The following AVL9 variants were observed in gnomAD, a reference collection of about 807,000 sequenced individuals.
The protein encoded by AVL9 is AVL9 cell migration associated, also known as late secretory pathway protein AVL9 homolog.
AVL9 carries 49 observed loss-of-function variants against 79.2 expected under a neutral mutation model. The ratio of observed to expected loss-of-function variants is 0.62; its 90% CI spans 0.49 to 0.79. AVL9 has a LOEUF of 0.79. AVL9 is among the 30% of genes least tolerant of loss of function. The pLI, the probability that AVL9 is intolerant of heterozygous loss-of-function variation, is 0.00. For synonymous variants in AVL9, 299 were observed against 280.6 expected (o/e 1.07, Z -0.65); for missense variants, 682 against 776.8 (o/e 0.88, Z 1.45).
chr7:32,550,163 C>T (rs555791405), intron 4 of AVL9, among the ~76,000 whole-genome samples: 3 of 152,148 alleles, frequency 2.0e-5, no homozygotes, highest in South Asian at 2.1e-4. Flanking sequence ...CTTCAAAGGA[C>T]GATTACAATA....
intron 1 of AVL9, among the ~76,000 whole-genome samples, chr7:32,500,914 G>A (rs907572968): frequency 1.4e-4 from 22 of 152,172 alleles, no homozygotes; most frequent in African/African-American, 5.1e-4. Flanking sequence ...GCAGATGGCT[G>A]TAGATGTGTG....
At chr7:32,580,620 C>A in intron 14 of AVL9, 182 bp from the exon 15 acceptor site, 2 of 584,892 alleles carry the variant, frequency 3.4e-6, no homozygotes, top group South Asian at 2.4e-5. Flanking sequence ...TGAAAATGCA[C>A]ATGCTTAAAA....
chr7:32,501,270 T>C (rs1383171914), intron 1 of AVL9, among the ~76,000 whole-genome samples: 2 of 152,190 alleles, frequency 1.3e-5, no homozygotes, highest in Non-Finnish European at 2.9e-5. Context: ...TGAAATCCTG[T>C]GGTGACAATA....
At chr7:32,528,804 A>G (rs1446021295) in intron 1 of AVL9, among the ~76,000 whole-genome samples, 1 of 151,888 alleles carries the variant, frequency 6.6e-6, no homozygotes. Flanking sequence ...AGGTCAGGAG[A>G]TCGAGACCAT....
At chr7:32,578,286 A>G (rs1399139485) in intron 13 of AVL9, among the ~76,000 whole-genome samples, 5 of 152,126 alleles carry the variant, frequency 3.3e-5, no homozygotes, top group Non-Finnish European at 5.9e-5. Flanking sequence ...CACTCGGTTC[A>G]TCTTTCCTAT....
In AVL9 at chr7:32,570,105, C is replaced by T. The variant is rs764503367; in HGVS notation, c.1301C>T (p.Thr434Ile). ...GTTCGGGGGTTTGTTGCTGGAGCTACTAACATCCTTTTTCGACAACAGAAA... is the reference window on the plus strand; with the variant it reads ...GTTCGGGGGTTTGTTGCTGGAGCTATTAACATCCTTTTTCGACAACAGAAA... The part of the protein sequence containing the change: ...VTVRGFVAGA[T>I]NILFRQQKHL... The change falls in exon 11 of 16, where the codon ACT becomes ATT. Residue 434 changes from threonine to isoleucine, a missense_variant. Transcript: ENST00000318709. 1.9e-6 allele frequency: 3 copies of T among 1,614,050 alleles called. No individual in the cohort carries two copies. Among genetic ancestry groups the T allele is most frequent in the South Asian group, 1.1e-5 (1 of 91,086 alleles).
chr7:32,511,605 A>G (rs996732615), intron 1 of AVL9, among the ~76,000 whole-genome samples: 1 of 152,042 alleles, frequency 6.6e-6, no homozygotes, highest in Non-Finnish European at 1.5e-5. Context: ...CCTGACGAGC[A>G]GGGCGGTGGC....
At chr7:32,572,603 C>G (rs1368659339) in intron 11 of AVL9, among the ~76,000 whole-genome samples, 3 of 150,206 alleles carry the variant, frequency 2.0e-5, no homozygotes, top group Admixed American at 6.6e-5. Context: ...GACATCGAGA[C>G]CATCCTGGCT....
intron 10 of AVL9, among the ~76,000 whole-genome samples, chr7:32,568,208 T>TA (rs200887516): frequency 0.013 from 1,939 of 148,022 alleles, 43 homozygotes; most frequent in African/African-American, 0.041. Context: ...TTTATTTATT[T>TA]TTTTTTTTTT....
intron 8 of AVL9, among the ~76,000 whole-genome samples, chr7:32,557,866 T>TGTTTGG (rs1562787106): frequency 6.7e-6 from 1 of 149,588 alleles, no homozygotes; most frequent in East Asian, 2.0e-4. Flanking sequence ...TTTTTTTTTT[T>TGTTTGG]TTTTTTTGAG....
At chr7:32,514,749 G>A (rs747243481) in intron 1 of AVL9, among the ~76,000 whole-genome samples, 2 of 151,984 alleles carry the variant, frequency 1.3e-5, no homozygotes, top group Non-Finnish European at 2.9e-5. Context: ...ACTCCTACCC[G>A]CCAGAGAACA....
intron 1 of AVL9, among the ~76,000 whole-genome samples, chr7:32,501,731 G>T (rs1475804210): frequency 6.6e-6 from 1 of 152,084 alleles, no homozygotes; most frequent in Non-Finnish European, 1.5e-5. Context: ...TCTTTCTTTG[G>T]CTTAAGCCTT....
At chr7:32,580,652 CAA>C in intron 14 of AVL9, 148 bp from the exon 15 acceptor site, 1 of 608,190 alleles carries the variant, frequency 1.6e-6, no homozygotes, top group Non-Finnish European at 2.9e-6. Flanking sequence ...TAATTCATAA[CAA>C]ATAATAATTT....
intron 10 of AVL9, among the ~76,000 whole-genome samples, chr7:32,563,202 T>C (rs1422052451): frequency 6.6e-6 from 1 of 152,006 alleles, no homozygotes. Context: ...TGGCTGATTT[T>C]TGTATTTTTA....
intron 11 of AVL9, among the ~76,000 whole-genome samples, chr7:32,570,854 C>T (rs1411482314): frequency 6.7e-6 from 1 of 149,452 alleles, no homozygotes; most frequent in South Asian, 2.1e-4. Flanking sequence ...CTCCTGACCT[C>T]AGGTGATCCA....
chr7:32,500,753 G>C (rs1457504543), intron 1 of AVL9, among the ~76,000 whole-genome samples: 1 of 152,096 alleles, frequency 6.6e-6, no homozygotes, highest in African/African-American at 2.4e-5. Context: ...GTTAGTTTAA[G>C]TCTTTAATCC....
At chr7:32,499,030 GCACA>G (rs1786995412) in intron 1 of AVL9, among the ~76,000 whole-genome samples, 3 of 113,326 alleles carry the variant, frequency 2.6e-5, no homozygotes, top group East Asian at 2.6e-4. Flanking sequence ...GCGCGTGGTG[GCACA>G]TGCCTGTGAT....
Position 32,585,488 on chromosome 7 carries a change from G to A in AVL9, c.*1581G>A, listed in dbSNP as rs533047329. The A allele has an allele frequency of 3.9e-5, 6 of 152,254 alleles. No homozygotes were observed. The highest frequency in any genetic ancestry group is 1.9e-4 in the East Asian group (1 of 5,178). The allele number at this position is 152,254 out of a possible 1,614,324, so 9.4% of individuals were successfully genotyped here. Reference sequence around the variant, plus strand: ...ATGGCTGTTCTCAGAGAGTACTTACGGGGAACAGACTGCCTTTTAGTAACA... The same window carrying A: ...ATGGCTGTTCTCAGAGAGTACTTACAGGGAACAGACTGCCTTTTAGTAACA... On this transcript the variant is annotated 3_prime_UTR_variant, in exon 16 of 16. Transcript: ENST00000318709.
At chr7:32,548,756 C>T in intron 3 of AVL9, 91 bp from the exon 4 acceptor site, 1 of 866,008 alleles carries the variant, frequency 1.2e-6, no homozygotes, top group Non-Finnish European at 1.7e-6. Context: ...TAAGAAATTT[C>T]TTATATATAA....
Sources: gnomAD v4.1 joint callset for allele counts (sites outside exome capture counted in the v4.1 genomes callset) on GRCh38, gnomAD v4.1.1 for gene constraint, MANE v1.5 for transcripts, NCBI Gene and HGNC (gene_info 2026-07-23, HGNC 2026-07-21) for gene names.